The following FOXP4 variants were observed in gnomAD, a reference collection of about 807,000 sequenced individuals.
The protein encoded by FOXP4 is forkhead box protein P4.
A neutral mutation model predicts 82.6 loss-of-function variants in FOXP4; 25 were observed. That is an observed-to-expected ratio of 0.30 (90% CI 0.22 to 0.42). The LOEUF is 0.42. Ranked by LOEUF, FOXP4 falls within the 10% of genes least tolerant of loss-of-function variation. The probability of loss-of-function intolerance (pLI) is 1.00; values close to 1 mark genes in which losing one functional copy is unlikely to be tolerated. For missense variants in FOXP4, 785 were observed against 900.9 expected, an observed-to-expected ratio of 0.87 and a Z score of 1.65; for synonymous variants, 415 against 388.2, an observed-to-expected ratio of 1.07 and a Z score of -0.81.
rs191632018 is a variant in FOXP4 at position 41,588,052 on chromosome 6, G to A, written c.977+155G>A. The stretch of plus-strand genomic sequence containing the variant: ...TTCTAGTTCTTTCTCTGCCCCCCAC[G>A]GACTCCCTGATCACCCACTCCCTAC... On this transcript the variant is annotated intron_variant, in intron 8 of 16. Coordinates refer to ENST00000307972, the MANE Select transcript of FOXP4 (RefSeq NM_001012426.2). Among the ~76,000 whole-genome samples the A allele has an allele frequency of 2.5e-3, 375 of 151,842 alleles. 2 individuals carry two copies. Among genetic ancestry groups the A allele is most frequent in the African/African-American group, 8.5e-3 (350 of 41,368 alleles).
Position 41,590,320 on chromosome 6 carries a change from C to A in FOXP4, c.1407C>A (p.Pro469=). Residue 469 remains proline (P), a synonymous_variant, in exon 12 of 17, where the codon CCC becomes CCA. Coordinates refer to ENST00000307972, the MANE Select transcript of FOXP4 (RefSeq NM_001012426.2). ...ACAAGAACGCCGACGTCCGGCCCCC[C>A]TTCACCTACGCCTCCCTCATCCGCC... The part of the protein sequence containing the change: ...EFYKNADVRP[P]FTYASLIRQA... The A allele has an allele frequency of 6.2e-7, 1 of 1,613,986 alleles. No homozygotes were observed. The highest frequency in any genetic ancestry group is 1.7e-5 in the Admixed American group (1 of 60,018).
In FOXP4 at chr6:41,598,639, G is replaced by A. The variant is rs1767022864; in HGVS notation, c.1896-150G>A. 5.4e-6 allele frequency: 6 copies of A among 1,121,020 alleles called. No homozygotes were observed. The South Asian group carries it at 9.4e-5, about 18-fold the overall frequency. The allele number at this position is 1,121,020 out of a possible 1,614,324, so 69.4% of individuals were successfully genotyped here. On this transcript the variant is annotated intron_variant, in intron 16 of 16. Transcript: ENST00000307972. ...CAGCTTTTCTTTGAAGAGAGCCCTA[G>A]GGGAGATCAGCCCTCAGGTCTGATG...
chr6:41,587,137 C>T lies in FOXP4; in HGVS notation c.639C>T (p.Pro213=), dbSNP rs772206436. The T allele has an allele frequency of 6.2e-7, 1 of 1,603,294 alleles. No individual in the cohort carries two copies. The highest frequency in any genetic ancestry group is 8.5e-7 in the Non-Finnish European group (1 of 1,174,352). Residue 213 remains proline (P), a synonymous_variant, in exon 6 of 17, where the codon CCC becomes CCT. Coordinates refer to ENST00000307972, the MANE Select transcript of FOXP4 (RefSeq NM_001012426.2). ...TGCAGCCCAACCAAGCCTCGGGGCC[C>T]CTCCAGACCCTTCCGCAAGGTGAGC... ...VSLQPNQASG[P]LQTLPQAAVC...
chr6:41,549,527 A>T (rs928249008), intron 1 of FOXP4, among the ~76,000 whole-genome samples: 1 of 151,934 alleles, frequency 6.6e-6, no homozygotes, highest in South Asian at 2.1e-4. Flanking sequence ...TACCCCAAAC[A>T]TACCTCTTCC....
chr6:41,573,259 C>T (rs1320765634), intron 2 of FOXP4, among the ~76,000 whole-genome samples: 1 of 152,172 alleles, frequency 6.6e-6, no homozygotes, highest in Non-Finnish European at 1.5e-5. Flanking sequence ...ACTCCACCAA[C>T]CCCGAATTCC....
At chr6:41,554,142 T>G (rs539494752) in intron 1 of FOXP4, among the ~76,000 whole-genome samples, 4 of 152,152 alleles carry the variant, frequency 2.6e-5, no homozygotes, top group Non-Finnish European at 5.9e-5. Context: ...ATTATCACTC[T>G]CATTTGATAG....
intron 1 of FOXP4, among the ~76,000 whole-genome samples, chr6:41,554,544 T>C (rs1350411505): frequency 2.0e-5 from 3 of 152,306 alleles, no homozygotes; most frequent in African/African-American, 7.2e-5. Context: ...GAGAATCTAG[T>C]GTGGGACAGT....
intron 2 of FOXP4, among the ~76,000 whole-genome samples, chr6:41,569,830 C>A (rs1983892): frequency 0.032 from 4,943 of 152,142 alleles, 280 homozygotes; most frequent in East Asian, 0.18. Context: ...CAAATCCCAT[C>A]CCGTTCACAT....
chr6:41,588,649 T>C lies in FOXP4; in HGVS notation c.983T>C (p.Leu328Pro). The C allele has an allele frequency of 1.2e-6, 2 of 1,614,084 alleles. No homozygotes were observed. Among genetic ancestry groups the C allele is most frequent in the Non-Finnish European group, 1.7e-6 (2 of 1,180,004 alleles). ...CTCCTCTCTTCCCCTTGAAGACACC[T>C]CAACACAGAGCACGCCCTGGATGAC... ...CEDLGQFIKHLNTEHALDDRS... is the reference protein window; with the variant it reads ...CEDLGQFIKHPNTEHALDDRS... The change falls in exon 9 of 17, where the codon CTC becomes CCC. Residue 328 changes from leucine (L) to proline (P), a missense_variant. Coordinates refer to ENST00000307972, the MANE Select transcript of FOXP4 (RefSeq NM_001012426.2).
At chr6:41,577,295 C>T (rs1368430315) in intron 2 of FOXP4, among the ~76,000 whole-genome samples, 1 of 152,214 alleles carries the variant, frequency 6.6e-6, no homozygotes, top group Non-Finnish European at 1.5e-5. Context: ...CATGCATGTA[C>T]AATCCTTGAA....
chr6:41,568,935 G>A (rs923488049), intron 2 of FOXP4, among the ~76,000 whole-genome samples: 7 of 152,322 alleles, frequency 4.6e-5, no homozygotes, highest in South Asian at 2.1e-4. Context: ...TCCATGCAAC[G>A]AGCAGGCTGG....
At chr6:41,565,218 G>C (rs1000585092) in intron 1 of FOXP4, among the ~76,000 whole-genome samples, 2 of 152,072 alleles carry the variant, frequency 1.3e-5, no homozygotes, top group Non-Finnish European at 2.9e-5. Context: ...AATTTAGCTG[G>C]TCGTGGTGGC....
chr6:41,577,520 C>G (rs1318549625), intron 2 of FOXP4, among the ~76,000 whole-genome samples: 4 of 152,182 alleles, frequency 2.6e-5, no homozygotes, highest in Non-Finnish European at 5.9e-5. Context: ...AGTTACTTAA[C>G]CTCCTGGAGA....
rs1331990132 is a variant in FOXP4 at position 41,597,882 on chromosome 6, T to C, written c.1827T>C (p.Gly609=). 4 of 1,593,464 alleles carry C rather than the reference T, an allele frequency of 2.5e-6. 1 individual carries two copies. The Middle Eastern group carries it at 5.8e-4, about 232-fold the overall frequency. The change falls in exon 16 of 17, where the codon GGT becomes GGC. Residue 609 remains glycine (G), a synonymous_variant. Transcript: ENST00000307972. Reference sequence around the variant, plus strand: ...TGCCCCTCAGCCACGATGACGTGGGTGCCCCCGTGGAGCCGCTGCCCAGCA... The same window carrying C: ...TGCCCCTCAGCCACGATGACGTGGGCGCCCCCGTGGAGCCGCTGCCCAGCA... ...SLLPLSHDDV[G]APVEPLPSNG...
At chr6:41,587,931 C>T in intron 8 of FOXP4, 34 bp downstream of exon 8, 1 of 1,244,568 alleles carries the variant, frequency 8.0e-7, no homozygotes, top group Non-Finnish European at 1.2e-6. Flanking sequence ...CCCCAGCAGC[C>T]TTTCCCCACA....
chr6:41,556,553 T>G (rs1393213539), intron 1 of FOXP4, among the ~76,000 whole-genome samples: 1 of 152,306 alleles, frequency 6.6e-6, no homozygotes, highest in Admixed American at 6.5e-5. Flanking sequence ...CTCGATCTCC[T>G]GACCTTGTGA....
chr6:41,597,055 C>A, intron 14 of FOXP4, 121 bp from the exon 15 acceptor site: 1 of 1,035,240 alleles, frequency 9.7e-7, no homozygotes. Flanking sequence ...TCCGCCCTGG[C>A]CTCCCGGAAT....
In FOXP4 at chr6:41,549,871, G is replaced by A. The variant is rs374838099; in HGVS notation, c.-17+3004G>A. On this transcript the variant is annotated intron_variant, in intron 1 of 16. Coordinates refer to ENST00000307972, the MANE Select transcript of FOXP4 (RefSeq NM_001012426.2). ...ACCCTTCCTACCCCACTGCCTTGGC[G>A]GTTTCCTGTCTCTCCAGCCACAGTG... Among the ~76,000 whole-genome samples the A allele has an allele frequency of 2.5e-4, 38 of 152,206 alleles. 1 individual carries two copies. In the East Asian group the frequency reaches 3.7e-3, roughly 15 times the overall value.
At chr6:41,581,082 A>G (rs538042389) in intron 3 of FOXP4, among the ~76,000 whole-genome samples, 1 of 152,328 alleles carries the variant, frequency 6.6e-6, no homozygotes, top group East Asian at 1.9e-4. Context: ...GGCTTCGTCC[A>G]TCCCCATCTG....
Sources: allele counts gnomAD v4.1 joint callset (sites outside exome capture counted in the v4.1 genomes callset), GRCh38; gene constraint gnomAD v4.1.1; transcripts MANE v1.5; gene names NCBI Gene and HGNC (gene_info 2026-07-23, HGNC 2026-07-21).